The following ARL13B variants were observed in gnomAD, a reference collection of about 807,000 sequenced individuals.
The protein encoded by ARL13B is ARF like GTPase 13B.
A neutral mutation model predicts 56.1 loss-of-function variants in ARL13B; 36 were observed. That is an observed-to-expected ratio of 0.64 (90% CI 0.49 to 0.85). The LOEUF (loss-of-function observed/expected upper bound fraction) is 0.85. Ranked by LOEUF, ARL13B falls within the 40% of genes least tolerant of loss-of-function variation. The pLI, the probability that ARL13B is intolerant of heterozygous loss-of-function variation, is 0.00. For missense variants in ARL13B, 519 were observed against 507.1 expected, an observed-to-expected ratio of 1.02 and a Z score of -0.23; for synonymous variants, 178 against 171.1, an observed-to-expected ratio of 1.04 and a Z score of -0.32.
chr3:93,996,090 G>A (rs2075961226), intron 2 of ARL13B, 146 bp downstream of exon 2: 2 of 840,914 alleles, frequency 2.4e-6, no homozygotes, highest in South Asian at 3.3e-5. Context: ...TGTGACTCTT[G>A]TGGCGAATAG....
At chr3:94,046,747 G>A (rs1241997960) in intron 7 of ARL13B, among the ~76,000 whole-genome samples, 3 of 151,726 alleles carry the variant, frequency 2.0e-5, no homozygotes, top group Non-Finnish European at 4.4e-5. Flanking sequence ...TTCCTTTATT[G>A]ACTGGCTATT....
chr3:94,044,554 G>A (rs2076942704), intron 7 of ARL13B, among the ~76,000 whole-genome samples: 1 of 146,998 alleles, frequency 6.8e-6, no homozygotes, highest in Non-Finnish European at 1.5e-5. Flanking sequence ...GAGGTGAGGA[G>A]CGCCTCTGCC....
chr3:94,026,481 TATATAA>T (rs1435737659), intron 3 of ARL13B, among the ~76,000 whole-genome samples: 1 of 152,228 alleles, frequency 6.6e-6, no homozygotes, highest in African/African-American at 2.4e-5. Flanking sequence ...TTATATGCTG[TATATAA>T]ATTACATTTT....
chr3:94,022,250 T>C (rs2076464160), intron 3 of ARL13B, among the ~76,000 whole-genome samples: 1 of 151,996 alleles, frequency 6.6e-6, no homozygotes, highest in Non-Finnish European at 1.5e-5. Flanking sequence ...CTCAGCCTCC[T>C]GAGTAGCTGG....
intron 3 of ARL13B, among the ~76,000 whole-genome samples, chr3:94,026,390 T>C (rs992516413): frequency 6.6e-6 from 1 of 152,218 alleles, no homozygotes; most frequent in Admixed American, 6.5e-5. Context: ...CTTATCTTTA[T>C]AGAATTAACA....
At chr3:93,980,911 G>A (rs1710183814) in intron 1 of ARL13B, among the ~76,000 whole-genome samples, 1 of 152,118 alleles carries the variant, frequency 6.6e-6, no homozygotes, top group African/African-American at 2.4e-5. Flanking sequence ...TGAGGACGTG[G>A]GCTTGAAATC....
At chr3:93,983,321 C>T (rs573973956) in intron 1 of ARL13B, among the ~76,000 whole-genome samples, 8 of 152,266 alleles carry the variant, frequency 5.3e-5, no homozygotes, top group African/African-American at 1.2e-4. Flanking sequence ...AAAAGTTTAA[C>T]GCTTCATCCC....
At chr3:94,011,543 A>G (rs1416349978) in intron 3 of ARL13B, among the ~76,000 whole-genome samples, 3 of 152,028 alleles carry the variant, frequency 2.0e-5, no homozygotes, top group African/African-American at 7.2e-5. Flanking sequence ...CATTTACTCA[A>G]CTGTCTGCTT....
chr3:94,047,693 G>T (rs779387842), intron 7 of ARL13B: 4 of 152,104 alleles, frequency 2.6e-5, no homozygotes, highest in Non-Finnish European at 5.9e-5. Flanking sequence ...CCCCAGTCCA[G>T]ATCATCTGAT....
At chr3:94,007,304 T>C (rs948090289) in intron 3 of ARL13B, among the ~76,000 whole-genome samples, 2 of 152,194 alleles carry the variant, frequency 1.3e-5, no homozygotes, top group Admixed American at 1.3e-4. Context: ...TTGTGGGAAG[T>C]AGAGTGGATG....
intron 3 of ARL13B, among the ~76,000 whole-genome samples, chr3:94,030,964 G>T (rs1260798566): frequency 6.6e-6 from 1 of 152,118 alleles, no homozygotes; most frequent in East Asian, 1.9e-4. Context: ...TTGAGCCTAG[G>T]AGTTTGAGAC....
chr3:94,015,151 A>G (rs775463727), intron 3 of ARL13B: 2 of 1,613,996 alleles, frequency 1.2e-6, no homozygotes, highest in Admixed American at 1.7e-5. Context: ...TCTTTCATAA[A>G]TAACAGCTTG....
intron 3 of ARL13B, among the ~76,000 whole-genome samples, chr3:94,031,539 G>A (rs1169854534): frequency 6.6e-6 from 1 of 152,130 alleles, no homozygotes; most frequent in African/African-American, 2.4e-5. Context: ...CCAACCTGAA[G>A]GGGACTCCTG....
chr3:94,026,594 G>A (rs1186082099), intron 3 of ARL13B, among the ~76,000 whole-genome samples: 1 of 152,094 alleles, frequency 6.6e-6, no homozygotes, highest in Non-Finnish European at 1.5e-5. Flanking sequence ...AGACAAATAA[G>A]CATGTTAGAA....
chr3:94,000,919 G>C (rs1375641173), intron 2 of ARL13B, among the ~76,000 whole-genome samples: 1 of 151,944 alleles, frequency 6.6e-6, no homozygotes, highest in Admixed American at 6.6e-5. Context: ...ACATGTACGA[G>C]GATAGATGGA....
intron 2 of ARL13B, among the ~76,000 whole-genome samples, chr3:93,998,870 C>T (rs1427201429): frequency 2.0e-5 from 3 of 151,218 alleles, no homozygotes; most frequent in South Asian, 2.1e-4. Flanking sequence ...AAACACCTCT[C>T]TCATGGCTCC....
At chr3:93,990,242 A>C (rs1346246010) in intron 1 of ARL13B, among the ~76,000 whole-genome samples, 3 of 152,054 alleles carry the variant, frequency 2.0e-5, no homozygotes, top group Non-Finnish European at 2.9e-5. Flanking sequence ...TCCTGACCTC[A>C]AGTGATCCAC....
At chr3:94,030,865 T>G (rs1303705736) in intron 3 of ARL13B, among the ~76,000 whole-genome samples, 1 of 152,082 alleles carries the variant, frequency 6.6e-6, no homozygotes, top group Non-Finnish European at 1.5e-5. Flanking sequence ...GTTTTCAGCA[T>G]AAGTAAAAAG....
chr3:94,003,568 A>G (rs2076086859), intron 2 of ARL13B, 91 bp from the exon 3 acceptor site: 4 of 1,413,710 alleles, frequency 2.8e-6, no homozygotes, highest in African/African-American at 1.4e-5. Context: ...AATGCTAAAT[A>G]TTTCACTTGG....
Sources: allele counts gnomAD v4.1 joint callset (sites outside exome capture counted in the v4.1 genomes callset), GRCh38; gene constraint gnomAD v4.1.1; transcripts MANE v1.5; gene names NCBI Gene and HGNC (gene_info 2026-07-23, HGNC 2026-07-21).